Variants in RTN4 observed in about 807,000 individuals in gnomAD.
RTN4 encodes the protein reticulon 4.
RTN4 carries 32 observed loss-of-function variants against 90.4 expected under a neutral mutation model. That is an observed-to-expected ratio of 0.35 (90% confidence interval 0.27 to 0.48). The LOEUF (loss-of-function observed/expected upper bound fraction) is 0.48, where lower values mean the gene tolerates loss of function less well. Ranked by LOEUF, RTN4 falls within the 20% of genes least tolerant of loss-of-function variation. RTN4 has a pLI of 0.99. For synonymous variants in RTN4, 629 were observed against 552.5 expected (o/e 1.14, Z -1.94); for missense variants, 1,706 against 1,430.2 (o/e 1.19, Z -3.11).
At chr2:55,024,456 G>C (rs1053707696) in intron 3 of RTN4, among the ~76,000 whole-genome samples, 1 of 152,046 alleles carries the variant, frequency 6.6e-6, no homozygotes, top group Admixed American at 6.6e-5. Flanking sequence ...TGCTAATAAA[G>C]AGCACATGTG....
At chr2:55,133,541 T>G in the RTN4 span, among the ~76,000 whole-genome samples, 1 of 152,204 alleles carries the variant, frequency 6.6e-6, no homozygotes, top group Non-Finnish European at 1.5e-5. Flanking sequence ...ATGTGTTCAG[T>G]TCAATTCCGT....
At chr2:55,070,394 A>G (rs1049173367) in intron 2 of RTN4, among the ~76,000 whole-genome samples, 13 of 151,954 alleles carry the variant, frequency 8.6e-5, no homozygotes, top group Admixed American at 2.6e-4. Context: ...AAATGTTAAA[A>G]TATTAACCAG....
At chr2:55,009,618 A>G (rs1296744379) in intron 3 of RTN4, among the ~76,000 whole-genome samples, 1 of 152,226 alleles carries the variant, frequency 6.6e-6, no homozygotes, top group East Asian at 1.9e-4. Flanking sequence ...ATAATTTTAA[A>G]GGTTCAAATC....
chr2:54,998,797 A>G (rs1679642036), intron 3 of RTN4, among the ~76,000 whole-genome samples: 6 of 152,190 alleles, frequency 3.9e-5, no homozygotes, highest in Admixed American at 3.9e-4. Context: ...CAAAATGCTA[A>G]TTTTGGATTC....
upstream of RTN4, among the ~76,000 whole-genome samples, chr2:55,116,536 T>C (rs1210681913): frequency 1.3e-5 from 2 of 152,182 alleles, no homozygotes; most frequent in African/African-American, 4.8e-5. Context: ...AGCTGATACA[T>C]TGGAAGCATT....
At chr2:55,127,597 A>G in the RTN4 span, among the ~76,000 whole-genome samples, 1 of 152,188 alleles carries the variant, frequency 6.6e-6, no homozygotes, top group Non-Finnish European at 1.5e-5. Context: ...CACGTCATCC[A>G]TCCTCATAAT....
the RTN4 span, among the ~76,000 whole-genome samples, chr2:55,136,988 A>G: frequency 1.3e-4 from 20 of 152,326 alleles, no homozygotes; most frequent in African/African-American, 3.6e-4. Context: ...AGGAACTGGC[A>G]GTCCTGCGGA....
chr2:54,978,770 T>A (rs1373679231), intron 5 of RTN4, among the ~76,000 whole-genome samples: 1 of 152,152 alleles, frequency 6.6e-6, no homozygotes, highest in African/African-American at 2.4e-5. Context: ...CTCATTGTTA[T>A]TTAAATAAGA....
In RTN4 at chr2:55,058,496, A is replaced by C. The variant is rs568756087; in HGVS notation, c.-63+21993T>G. 2.0e-4 allele frequency among the ~76,000 whole-genome samples: 30 copies of C among 152,334 alleles called. 2 individuals are homozygous for C. In the East Asian group the frequency reaches 5.2e-3, roughly 26 times the overall value. On this transcript the variant is annotated intron_variant, in intron 2 of 3. Transcript: ENST00000427710. The stretch of plus-strand genomic sequence containing the variant: ...TACATGCCAGCTACCAGCCACTTTC[A>C]GGCTTGTCTATGCTTAACAGCTTCT...
chr2:54,975,672 C>T (rs1375549125), intron 5 of RTN4, among the ~76,000 whole-genome samples: 3 of 152,210 alleles, frequency 2.0e-5, no homozygotes, highest in African/African-American at 7.2e-5. Flanking sequence ...TTTGCTAACC[C>T]TTGATCTAAA....
chr2:55,019,651 G>A (rs189003630), intron 3 of RTN4, among the ~76,000 whole-genome samples: 154 of 152,272 alleles, frequency 1.0e-3, no homozygotes, highest in South Asian at 4.4e-3. Flanking sequence ...CGGGGGAAGA[G>A]AGGCCCTGTG....
At chr2:55,129,460 G>C in the RTN4 span, among the ~76,000 whole-genome samples, 2 of 152,042 alleles carry the variant, frequency 1.3e-5, no homozygotes, top group South Asian at 2.1e-4. Context: ...CATAGCTGTA[G>C]TCCCAGCTAC....
intron 3 of RTN4, among the ~76,000 whole-genome samples, chr2:55,023,848 T>C (rs1318314159): frequency 6.6e-6 from 1 of 152,090 alleles, no homozygotes; most frequent in Non-Finnish European, 1.5e-5. Context: ...TTGACCAACT[T>C]GCAATCCTTA....
chr2:55,025,431 T>C lies in RTN4; in HGVS notation c.2668A>G (p.Thr890Ala). Residue 890 changes from threonine (T) to alanine (A), a missense_variant, in exon 3 of 9, where the codon ACT becomes GCT. Physicochemically the swap from Thr to Ala is moderately conservative, Grantham distance 58. Transcript: ENST00000337526. ...CTTTTGTGGGATACTTCTAGGTCAG[T>C]ATATTCCCTGGCTAATTTAGAAAAT... is the stretch of plus-strand genomic sequence containing the variant. ...DSFSKLAREY[T>A]DLEVSHKSEI... The C allele has an allele frequency of 2.5e-6, 4 of 1,613,886 alleles. No individual in the cohort carries two copies. The highest frequency in any genetic ancestry group is 3.4e-6 in the Non-Finnish European group (4 of 1,179,862).
At chr2:55,010,379 T>G in intron 3 of RTN4, 1 of 1,289,496 alleles carries the variant, frequency 7.8e-7, no homozygotes, top group Non-Finnish European at 9.9e-7. Flanking sequence ...TGTTGATTGT[T>G]TTAGGCATTT....
chr2:55,029,549 C>A (rs1682153947), intron 1 of RTN4, among the ~76,000 whole-genome samples: 1 of 152,118 alleles, frequency 6.6e-6, no homozygotes, highest in Non-Finnish European at 1.5e-5. Context: ...ACAAGCTAGA[C>A]AAGGCTGATC....
At chr2:55,031,220 C>A (rs1297670592) in intron 1 of RTN4, among the ~76,000 whole-genome samples, 2 of 152,150 alleles carry the variant, frequency 1.3e-5, no homozygotes. Flanking sequence ...AAGCAACTAT[C>A]TTGAGACACT....
At chr2:55,076,741 C>T (rs762080606) in intron 2 of RTN4, among the ~76,000 whole-genome samples, 8 of 152,028 alleles carry the variant, frequency 5.3e-5, no homozygotes, top group South Asian at 4.1e-4. Context: ...CCCCGCGTGT[C>T]TTGGGAGGGA....
At chr2:54,976,715 T>C (rs1677665069) in intron 5 of RTN4, among the ~76,000 whole-genome samples, 1 of 152,188 alleles carries the variant, frequency 6.6e-6, no homozygotes, top group Admixed American at 6.5e-5. Flanking sequence ...GTAACCATTA[T>C]TAATGGGAAT....
Sources: allele counts gnomAD v4.1 joint callset (sites outside exome capture counted in the v4.1 genomes callset), GRCh38; gene constraint gnomAD v4.1.1; transcripts MANE v1.5; gene names NCBI Gene and HGNC (gene_info 2026-07-23, HGNC 2026-07-21).